Variants in COG3 observed in about 807,000 individuals in gnomAD.
The protein encoded by COG3 is conserved oligomeric Golgi complex subunit 3.
In COG3, 32 loss-of-function variants were observed where a neutral mutation model predicts 114.1. The observed-to-expected ratio is 0.28, with a 90% confidence interval of 0.21 to 0.38. The LOEUF is 0.38. Ranked by LOEUF, COG3 falls within the 10% of genes least tolerant of loss-of-function variation. The pLI, the probability that COG3 is intolerant of heterozygous loss-of-function variation, is 1.00. For missense variants in COG3, 813 were observed against 973.2 expected (o/e 0.84, Z 2.19); for synonymous variants, 352 against 365.7 (o/e 0.96, Z 0.43).
chr13:45,533,898 G>A (rs970531791), intron 22 of COG3, among the ~76,000 whole-genome samples: 8 of 152,204 alleles, frequency 5.3e-5, no homozygotes, highest in Non-Finnish European at 1.0e-4. Context: ...TCTTCTGACA[G>A]CACTCATTTA....
chr13:45,491,699 C>T (rs138790967), intron 10 of COG3, among the ~76,000 whole-genome samples, 161 bp downstream of exon 10: 1 of 152,042 alleles, frequency 6.6e-6, no homozygotes, highest in African/African-American at 2.4e-5. Flanking sequence ...GCCTTATTCA[C>T]CTTTGCAAAA....
Position 45,533,980 on chromosome 13 carries a change from A to G in COG3, c.2458-722A>G, listed in dbSNP as rs1318627996. 3.3e-5 allele frequency among the ~76,000 whole-genome samples: 5 copies of G among 152,218 alleles called. 1 individual carries two copies. The highest frequency in any genetic ancestry group is 1.3e-4 in the Admixed American group (2 of 15,284). Reference sequence around the variant, plus strand: ...GATAGAATGGTTCACAGCCAGGTCCATTTACCCACAAGGTTCCAGGGCCTG... The same window carrying G: ...GATAGAATGGTTCACAGCCAGGTCCGTTTACCCACAAGGTTCCAGGGCCTG... On this transcript the variant is annotated intron_variant, in intron 22 of 22. Coordinates refer to ENST00000349995, the MANE Select transcript of COG3 (RefSeq NM_031431.4).
At chr13:45,476,421 T>C in intron 2 of COG3, 74 bp downstream of exon 2, 1 of 1,434,976 alleles carries the variant, frequency 7.0e-7, no homozygotes, top group Non-Finnish European at 9.6e-7. Flanking sequence ...AAAGTCCTAA[T>C]TAAAAGTTCT....
At chr13:45,512,988 A>AT (rs11449840) in intron 16 of COG3, among the ~76,000 whole-genome samples, 126,608 of 146,414 alleles carry the variant, frequency 0.86, 54,815 homozygotes, top group Admixed American at 0.9. Flanking sequence ...AGACCCTGAG[A>AT]TTTTTTTTTT....
At chr13:45,477,631 CTT>C (rs11408688) in intron 2 of COG3, among the ~76,000 whole-genome samples, 10 of 142,916 alleles carry the variant, frequency 7.0e-5, no homozygotes, top group Admixed American at 1.4e-4. Flanking sequence ...TCCATATTCT[CTT>C]TTTTTTTTTT....
chr13:45,491,967 T>A (rs557991464), intron 10 of COG3, among the ~76,000 whole-genome samples, 192 bp from the exon 11 acceptor site: 1 of 152,320 alleles, frequency 6.6e-6, no homozygotes, highest in East Asian at 1.9e-4. Flanking sequence ...ACTAAAGCAT[T>A]AAGAAACTAA....
At chr13:45,487,123 C>T (rs370678335) in intron 8 of COG3, among the ~76,000 whole-genome samples, 4 of 152,242 alleles carry the variant, frequency 2.6e-5, no homozygotes, top group South Asian at 4.1e-4. Flanking sequence ...TTTCAGCCAA[C>T]TGATTTTTGA....
At chr13:45,487,540 A>C (rs1886744408) in intron 8 of COG3, among the ~76,000 whole-genome samples, 1 of 152,212 alleles carries the variant, frequency 6.6e-6, no homozygotes, top group African/African-American at 2.4e-5. Flanking sequence ...TAACAGAAGA[A>C]GGCCCCAAAT....
chr13:45,504,440 C>T (rs1869898461), intron 14 of COG3, among the ~76,000 whole-genome samples: 1 of 152,156 alleles, frequency 6.6e-6, no homozygotes, highest in East Asian at 1.9e-4. Context: ...TTCTGTCTTG[C>T]CAACCCCGGA....
At chr13:45,501,931 G>A (rs1042612125) in intron 13 of COG3, among the ~76,000 whole-genome samples, 1 of 152,130 alleles carries the variant, frequency 6.6e-6, no homozygotes, top group Non-Finnish European at 1.5e-5. Flanking sequence ...TAAACTTACT[G>A]CATTTTGGCT....
intron 16 of COG3, among the ~76,000 whole-genome samples, chr13:45,513,008 A>T (rs931634362): frequency 6.6e-6 from 1 of 151,440 alleles, no homozygotes; most frequent in African/African-American, 2.4e-5. Context: ...TTTCCCAGGA[A>T]GTAGAGCATG....
chr13:45,522,069 T>C (rs1186423342), intron 19 of COG3, among the ~76,000 whole-genome samples: 1 of 152,150 alleles, frequency 6.6e-6, no homozygotes, highest in Non-Finnish European at 1.5e-5. Flanking sequence ...CCACCCAAAG[T>C]GCTGAGATAA....
At position 45,535,162 on chromosome 13, in the gene COG3, GC is replaced by G; in HGVS notation, c.*432del. 1.0e-6 allele frequency: 1 copy of G among 991,660 alleles called. No individual in the cohort carries two copies. The highest frequency in any genetic ancestry group is 1.2e-6 in the Non-Finnish European group (1 of 834,338). 61.4% of individuals were successfully genotyped at this position (991,660 alleles called of 1,614,324 possible). On this transcript the variant is annotated 3_prime_UTR_variant, in exon 23 of 23. Transcript: ENST00000349995. Reference sequence around the variant, plus strand: ...ACACTGTAACACTTTTAACCACTGAGCATTCCACAGTGAAATGTTATTTCTA... The same window carrying G: ...ACACTGTAACACTTTTAACCACTGAGATTCCACAGTGAAATGTTATTTCTA...
At chr13:45,500,092 GTGTATATATA>G (rs1869341233) in intron 13 of COG3, among the ~76,000 whole-genome samples, 2 of 41,604 alleles carry the variant, frequency 4.8e-5, no homozygotes, top group South Asian at 2.8e-3. Context: ...GTGTGTGTGT[GTGTATATATA>G]TATATATATA....
chr13:45,508,401 T>TACACACAC (rs1473495289), intron 14 of COG3, among the ~76,000 whole-genome samples: 1 of 109,478 alleles, frequency 9.1e-6, no homozygotes, highest in African/African-American at 4.2e-5. Context: ...TATATATATA[T>TACACACAC]ATACACACAC....
intron 7 of COG3, among the ~76,000 whole-genome samples, chr13:45,486,271 G>A: frequency 7.5e-6 from 1 of 133,870 alleles, no homozygotes; most frequent in Non-Finnish European, 1.5e-5. Flanking sequence ...GCTTCGGCTC[G>A]GCATGAGAGG....
Position 45,516,131 on chromosome 13 carries a change from C to G in COG3, c.1810-12C>G, listed in dbSNP as rs548771066. On this transcript the variant is annotated splice_polypyrimidine_tract_variant and intron_variant, in intron 16 of 22. Coordinates refer to ENST00000349995, the MANE Select transcript of COG3 (RefSeq NM_031431.4). ...TATGTGATCATATCCATTTTTCTGT[C>G]TTATAATTTAGACTCAGATTGATGG... 17 of 1,536,564 alleles carry G rather than the reference C, an allele frequency of 1.1e-5. No homozygotes were observed. The South Asian group carries it at 2.1e-4, about 19-fold the overall frequency.
chr13:45,465,439 A>T, intron 1 of COG3: 1 of 656,034 alleles, frequency 1.5e-6, no homozygotes, highest in Non-Finnish European at 2.4e-6. Flanking sequence ...GGTGTCCTGC[A>T]GCTGGTGCTC....
chr13:45,466,634 C>T (rs1052326155), intron 1 of COG3: 1 of 152,106 alleles, frequency 6.6e-6, no homozygotes, highest in African/African-American at 2.4e-5. Context: ...TATAAATTTT[C>T]CAGTCTGTTT....
Sources: allele counts gnomAD v4.1 joint callset (sites outside exome capture counted in the v4.1 genomes callset), GRCh38; gene constraint gnomAD v4.1.1; transcripts MANE v1.5; gene names NCBI Gene and HGNC (gene_info 2026-07-23, HGNC 2026-07-21).